ADSL: variants seen among roughly 807,000 people sequenced by gnomAD.
The protein encoded by ADSL is adenylosuccinase.
Under a neutral mutation model 62.1 loss-of-function variants are expected in ADSL, and 44 were observed. That is an observed-to-expected ratio of 0.71 (90% CI 0.56 to 0.91). The LOEUF (loss-of-function observed/expected upper bound fraction) is 0.91. ADSL is among the 40% of genes least tolerant of loss of function. The pLI is 0.00. For synonymous variants in ADSL, 198 were observed against 220.5 expected, an observed-to-expected ratio of 0.90 and a Z score of 0.90; for missense variants, 531 against 627.4, an observed-to-expected ratio of 0.85 and a Z score of 1.64.
chr22:40,351,025 G>A (rs545608741), intron 2 of ADSL, among the ~76,000 whole-genome samples: 1 of 151,640 alleles, frequency 6.6e-6, no homozygotes, highest in African/African-American at 2.4e-5. Flanking sequence ...ACAGGGTCTC[G>A]CTTCTGTCAC....
intron 10 of ADSL, 76 bp from the exon 11 acceptor site, chr22:40,364,200 G>A: frequency 8.4e-7 from 1 of 1,195,230 alleles, no homozygotes; most frequent in Admixed American, 1.9e-5. Flanking sequence ...TGTGCATTTT[G>A]TTTGACATCC....
intron 1 of ADSL, among the ~76,000 whole-genome samples, chr22:40,349,553 T>C (rs2044267088): frequency 6.6e-6 from 1 of 151,978 alleles, no homozygotes; most frequent in Non-Finnish European, 1.5e-5. Context: ...TTTTTGTATT[T>C]TAGTAGAGAC....
intron 1 of ADSL, 54 bp from the exon 2 acceptor site, chr22:40,349,778 A>G (rs1274890082): frequency 1.3e-6 from 2 of 1,508,514 alleles, no homozygotes; most frequent in East Asian, 2.3e-5. Context: ...GTGTCACTTC[A>G]TTCAAATAAC....
At chr22:40,382,900 T>G (rs1389226751) in intron 2 of ADSL, among the ~76,000 whole-genome samples, 2 of 152,240 alleles carry the variant, frequency 1.3e-5, no homozygotes, top group African/African-American at 4.8e-5. Context: ...CACAGCCAAG[T>G]GGCAGAACAA....
chr22:40,357,879 C>A (rs1483903637), intron 4 of ADSL, among the ~76,000 whole-genome samples: 1 of 152,070 alleles, frequency 6.6e-6, no homozygotes, highest in Non-Finnish European at 1.5e-5. Flanking sequence ...TCGAGTGATT[C>A]TCCTGCCTCA....
chr22:40,351,011 T>C (rs2146627283), intron 2 of ADSL, among the ~76,000 whole-genome samples: 2 of 152,148 alleles, frequency 1.3e-5, no homozygotes, highest in South Asian at 4.2e-4. Context: ...AAAAATACTT[T>C]GAGACAGGGT....
At chr22:40,354,833 C>T (rs1315730442) in intron 4 of ADSL, among the ~76,000 whole-genome samples, 1 of 145,652 alleles carries the variant, frequency 6.9e-6, no homozygotes, top group Non-Finnish European at 1.5e-5. Flanking sequence ...CGCACCACTG[C>T]ATTCCAGTTT....
chr22:40,352,584 T>C (rs1430856887), intron 2 of ADSL, among the ~76,000 whole-genome samples: 1 of 152,184 alleles, frequency 6.6e-6, no homozygotes, highest in African/African-American at 2.4e-5. Flanking sequence ...ATATGGAAGC[T>C]TCTCAGAAGC....
chr22:40,354,083 A>G, intron 3 of ADSL, 165 bp from the exon 4 acceptor site: 3 of 711,620 alleles, frequency 4.2e-6, no homozygotes, highest in Non-Finnish European at 7.5e-6. Context: ...GGTTACTGTG[A>G]ACTCTTCCAG....
intron 2 of ADSL, among the ~76,000 whole-genome samples, chr22:40,350,746 G>T (rs987302475): frequency 1.9e-4 from 29 of 151,866 alleles, no homozygotes; most frequent in African/African-American, 6.8e-4. Flanking sequence ...GGCCTCCCCA[G>T]TAGCTGGGAT....
chr22:40,349,414 G>C (rs77810402), intron 1 of ADSL, among the ~76,000 whole-genome samples: 3,506 of 143,270 alleles, frequency 0.024, 143 homozygotes, highest in African/African-American at 0.086. Context: ...TTACTCTGTT[G>C]CCCAGGCTGG....
chr22:40,378,564 A>G (rs1455235099), intron 2 of ADSL, among the ~76,000 whole-genome samples: 3 of 151,862 alleles, frequency 2.0e-5, no homozygotes, highest in Non-Finnish European at 4.4e-5. Context: ...CCCCATCTCT[A>G]CTACCAAAAA....
intron 1 of ADSL, among the ~76,000 whole-genome samples, chr22:40,347,996 T>A (rs2044206799): frequency 6.6e-6 from 1 of 152,214 alleles, no homozygotes; most frequent in African/African-American, 2.4e-5. Flanking sequence ...AGTAAATGGC[T>A]TCAAGCTGGA....
chr22:40,384,428 A>T (rs887393053), intron 2 of ADSL, among the ~76,000 whole-genome samples: 1 of 152,174 alleles, frequency 6.6e-6, no homozygotes, highest in African/African-American at 2.4e-5. Flanking sequence ...TCCAGTCTGG[A>T]TAACATAGGG....
At chr22:40,349,247 A>G (rs956508751) in intron 1 of ADSL, among the ~76,000 whole-genome samples, 1 of 152,014 alleles carries the variant, frequency 6.6e-6, no homozygotes, top group Non-Finnish European at 1.5e-5. Context: ...GTCAGGGAAG[A>G]CCTCTTTGAG....
At chr22:40,354,464 G>T in intron 4 of ADSL, 137 bp downstream of exon 4, 6 of 779,414 alleles carry the variant, frequency 7.7e-6, no homozygotes, top group Non-Finnish European at 1.4e-5. Flanking sequence ...ATGCTTATAA[G>T]GAATGAGCCT....
intron 4 of ADSL, among the ~76,000 whole-genome samples, chr22:40,357,753 A>G (rs1390347194): frequency 2.0e-5 from 3 of 152,094 alleles, no homozygotes; most frequent in African/African-American, 7.2e-5. Flanking sequence ...AGCACTTAAA[A>G]TCTCAATAAT....
At chr22:40,382,110 G>C (rs2047667812) in intron 2 of ADSL, among the ~76,000 whole-genome samples, 1 of 152,114 alleles carries the variant, frequency 6.6e-6, no homozygotes, top group Non-Finnish European at 1.5e-5. Flanking sequence ...TGTGAAATGA[G>C]AGAATAAGAG....
At chr22:40,360,085 T>C (rs2044721485) in intron 6 of ADSL, among the ~76,000 whole-genome samples, 1 of 152,168 alleles carries the variant, frequency 6.6e-6, no homozygotes, top group Non-Finnish European at 1.5e-5. Context: ...GCCATTGTCC[T>C]GAGTATTAGT....
Sources: allele counts gnomAD v4.1 joint callset (sites outside exome capture counted in the v4.1 genomes callset), GRCh38; gene constraint gnomAD v4.1.1; transcripts MANE v1.5; gene names NCBI Gene and HGNC (gene_info 2026-07-23, HGNC 2026-07-21).